The following RGP1 variants were observed in gnomAD, a reference collection of about 807,000 sequenced individuals.
RGP1 encodes the protein RGP1 partner of RAB6A GEF complex.
Under a neutral mutation model 44.5 loss-of-function variants are expected in RGP1, and 28 were observed. The ratio of observed to expected loss-of-function variants is 0.63; its 90% CI spans 0.47 to 0.86. RGP1 has a LOEUF of 0.86. Among genes scored for constraint, RGP1 ranks in the 40% least tolerant of loss-of-function variants. The pLI is 0.00. For synonymous variants in RGP1, 212 were observed against 196.7 expected, an observed-to-expected ratio of 1.08 and a Z score of -0.65; for missense variants, 417 against 490.7, an observed-to-expected ratio of 0.85 and a Z score of 1.42.
chr9:35,754,154 C>T lies in RGP1; in HGVS notation c.*1280C>T, dbSNP rs369014044. On this transcript the variant is annotated 3_prime_UTR_variant, in exon 9 of 9. Coordinates refer to ENST00000378078, the MANE Select transcript of RGP1 (RefSeq NM_001080496.3). The stretch of plus-strand genomic sequence containing the variant: ...TTGCTGCTGCACAGCCCTCTCAGAC[C>T]CTTCTTGGCCTCTGCTCAGCTACTC... 6.9e-6 allele frequency: 11 copies of T among 1,598,484 alleles called. No homozygotes were observed. The African/African-American group carries it at 1.2e-4, about 18-fold the overall frequency.
chr9:35,750,957 T>C lies in RGP1; in HGVS notation c.455T>C (p.Leu152Pro). The C allele has an allele frequency of 6.2e-7, 1 of 1,613,938 alleles. No homozygotes were observed. Among genetic ancestry groups the C allele is most frequent in the Non-Finnish European group, 8.5e-7 (1 of 1,179,882 alleles). The part of the protein sequence containing the change: ...CQRVNSPITL[L>P]RVPLRVLVLT... ...CGTGTCAACTCCCCTATCACTTTACTCAGAGTCCCTCTGAGGGTTCTTGTG... is the reference window on the plus strand; with the variant it reads ...CGTGTCAACTCCCCTATCACTTTACCCAGAGTCCCTCTGAGGGTTCTTGTG... Residue 152 changes from leucine (L) to proline (P), a missense_variant, in exon 5 of 9, where the codon CTC becomes CCC. Coordinates refer to ENST00000378078, the MANE Select transcript of RGP1 (RefSeq NM_001080496.3).
In RGP1 at chr9:35,753,858, A is replaced by T; in HGVS notation, c.*984A>T. The T allele has an allele frequency of 6.6e-7, 1 of 1,515,104 alleles. No homozygotes were observed. The highest frequency in any genetic ancestry group is 9.1e-7 in the Non-Finnish European group (1 of 1,101,880). 93.9% of individuals were successfully genotyped at this position (1,515,104 alleles called of 1,614,324 possible). A position where few individuals can be genotyped will look rare whatever the true frequency, so the allele number is the denominator to read the frequency against. On this transcript the variant is annotated 3_prime_UTR_variant, in exon 9 of 9. Transcript: ENST00000378078. This position sits in a 1 kb window ranked among gnomAD's most constrained non-coding sequence, Gnocchi z 4.2. ...TCTGGGGTGGAGACAGTAAGTACGCACTATCCCCGTATTTAGTTTGTCTTT... is the reference window on the plus strand; with the variant it reads ...TCTGGGGTGGAGACAGTAAGTACGCTCTATCCCCGTATTTAGTTTGTCTTT...
At chr9:35,781,983 G>A in the RGP1 span, among the ~76,000 whole-genome samples, 2 of 90,654 alleles carry the variant, frequency 2.2e-5, no homozygotes, top group African/African-American at 7.7e-5. Flanking sequence ...TATTTCTCTC[G>A]TTTTTTTTTT....
At position 35,752,978 on chromosome 9, in the gene RGP1, T is replaced by G. The variant is rs1200415417; in HGVS notation, c.*104T>G. The G allele has an allele frequency of 2.1e-5, 32 of 1,524,290 alleles. No individual in the cohort carries two copies. The highest frequency in any genetic ancestry group is 2.9e-5 in the Non-Finnish European group (32 of 1,117,362). 94.4% of individuals were successfully genotyped at this position (1,524,290 alleles called of 1,614,324 possible). On this transcript the variant is annotated 3_prime_UTR_variant, in exon 9 of 9. Transcript: ENST00000378078. ...ACCTGGGGTCCAATGTCGTGGACAG[T>G]GAGAGTCGGGCTTTCAGCTATAGCA...
chr9:35,749,461 G>T lies in RGP1; in HGVS notation c.-20+53G>T, dbSNP rs1043316388. On this transcript the variant is annotated intron_variant, in intron 1 of 8. Transcript: ENST00000378078. The surrounding 1 kb of genome is among the most constrained non-coding windows in gnomAD (Gnocchi z 4.4). The stretch of plus-strand genomic sequence containing the variant: ...GGACGTGGAACTTTGAGGAAAGGGG[G>T]AGCGGAGGCCAGTTTGGGAACTCCG... The T allele has an allele frequency of 6.4e-6, 4 of 623,612 alleles. No individual in the cohort carries two copies. The highest frequency in any genetic ancestry group is 2.8e-5 in the South Asian group (2 of 71,972). The allele number at this position is 623,612 out of a possible 1,614,324, so 38.6% of individuals were successfully genotyped here. A position where few individuals can be genotyped will look rare whatever the true frequency, so the allele number is the denominator to read the frequency against.
At chr9:35,766,147 T>TAA in the RGP1 span, among the ~76,000 whole-genome samples, 20 of 125,104 alleles carry the variant, frequency 1.6e-4, 1 homozygote, top group South Asian at 7.7e-4. Flanking sequence ...GTCAGTTTCT[T>TAA]AAAAAAAAAA....
At chr9:35,761,694 A>G (rs111569660), downstream of RGP1, among the ~76,000 whole-genome samples, 1,483 of 151,994 alleles carry the variant, frequency 9.8e-3, 14 homozygotes, top group African/African-American at 0.034. Context: ...ACAAACAAAC[A>G]AAAAACCCCA....
At position 35,753,298 on chromosome 9, in the gene RGP1, G is replaced by A. The variant is rs1303436219; in HGVS notation, c.*424G>A. On this transcript the variant is annotated 3_prime_UTR_variant, in exon 9 of 9. Transcript: ENST00000378078. This position sits in a 1 kb window ranked among gnomAD's most constrained non-coding sequence, Gnocchi z 4.2. ...GCTGGGACCTGGGGAACCAAGGATA[G>A]GGGAAGGAGTCAGCACAGTGAAAGG... The A allele has an allele frequency of 1.2e-6, 2 of 1,610,988 alleles. No homozygotes were observed. The highest frequency in any genetic ancestry group is 1.7e-6 in the Non-Finnish European group (2 of 1,179,454).
At chr9:35,758,640 T>C (rs554252465), downstream of RGP1, 24 of 152,360 alleles carry the variant, frequency 1.6e-4, no homozygotes, top group African/African-American at 5.8e-4. Context: ...CCGTGCTGTT[T>C]TAGCCCCAGC....
the RGP1 span, among the ~76,000 whole-genome samples, chr9:35,779,021 C>T: frequency 6.6e-6 from 1 of 152,126 alleles, no homozygotes; most frequent in African/African-American, 2.4e-5. Flanking sequence ...ATAACCTTCC[C>T]TTCATTTCAA....
chr9:35,770,897 G>T, the RGP1 span, among the ~76,000 whole-genome samples: 1 of 152,202 alleles, frequency 6.6e-6, no homozygotes, highest in Non-Finnish European at 1.5e-5. Context: ...CCAGGAAGTA[G>T]CAGGGGTTCA....
At chr9:35,781,409 G>A in the RGP1 span, among the ~76,000 whole-genome samples, 41 of 122,784 alleles carry the variant, frequency 3.3e-4, no homozygotes, top group African/African-American at 1.2e-3. Context: ...GGTGGGGGGA[G>A]GGGGTGGGGG....
At position 35,757,018 on chromosome 9, in the gene RGP1, G is replaced by A. The variant is rs1827366449; in HGVS notation, c.*4144G>A. Reference sequence around the variant, plus strand: ...AGGACCAGGCCCGCTGGGTCCTGGGGGCGCGGTGGCTGGCGCGCAGGTCCC... The same window carrying A: ...AGGACCAGGCCCGCTGGGTCCTGGGAGCGCGGTGGCTGGCGCGCAGGTCCC... On this transcript the variant is annotated 3_prime_UTR_variant, in exon 9 of 9. Transcript: ENST00000378078. The A allele has an allele frequency of 6.6e-6, 1 of 152,500 alleles. No individual in the cohort carries two copies. The highest frequency in any genetic ancestry group is 6.5e-5 in the Admixed American group (1 of 15,294). The allele number at this position is 152,500 out of a possible 1,614,324, so 9.4% of individuals were successfully genotyped here. A position where few individuals can be genotyped will look rare whatever the true frequency, so the allele number is the denominator to read the frequency against.
chr9:35,788,161 A>G, the RGP1 span, among the ~76,000 whole-genome samples: 1 of 152,234 alleles, frequency 6.6e-6, no homozygotes, highest in Non-Finnish European at 1.5e-5. Context: ...CTTTGGCCTG[A>G]GTGTAACCAG....
Position 35,756,997 on chromosome 9 carries a change from C to T in RGP1, c.*4123C>T, listed in dbSNP as rs1827366002. On this transcript the variant is annotated 3_prime_UTR_variant, in exon 9 of 9. Transcript: ENST00000378078. Reference sequence around the variant, plus strand: ...CTGGGGAGGGGGTGAGTGGTGAGGACCAGGCCCGCTGGGTCCTGGGGGCGC... The same window carrying T: ...CTGGGGAGGGGGTGAGTGGTGAGGATCAGGCCCGCTGGGTCCTGGGGGCGC... 6.6e-6 allele frequency: 1 copy of T among 152,400 alleles called. No individual in the cohort carries two copies. 9.4% of individuals were successfully genotyped at this position (152,400 alleles called of 1,614,324 possible).
At chr9:35,761,703 C>CA (rs953227927), downstream of RGP1, among the ~76,000 whole-genome samples, 1 of 151,770 alleles carries the variant, frequency 6.6e-6, no homozygotes. Flanking sequence ...CAAAAAACCC[C>CA]AAAAAAACAA....
the RGP1 span, among the ~76,000 whole-genome samples, chr9:35,784,757 C>T: frequency 2.0e-5 from 3 of 152,108 alleles, no homozygotes; most frequent in Non-Finnish European, 4.4e-5. Context: ...TGTGAGCCAC[C>T]GTGCCCTGCC....
At chr9:35,787,134 A>G in the RGP1 span, among the ~76,000 whole-genome samples, 3 of 151,756 alleles carry the variant, frequency 2.0e-5, no homozygotes, top group African/African-American at 7.2e-5. Context: ...AATAAATTAA[A>G]AAAAATAAAA....
chr9:35,778,060 G>T, the RGP1 span, among the ~76,000 whole-genome samples: 2 of 152,182 alleles, frequency 1.3e-5, no homozygotes, highest in Non-Finnish European at 2.9e-5. Context: ...AGCGCTTTGG[G>T]AAGCCGAGGT....
Sources: allele counts gnomAD v4.1 joint callset (sites outside exome capture counted in the v4.1 genomes callset), GRCh38; gene constraint gnomAD v4.1.1; non-coding constraint Gnocchi (gnomAD v3.1); transcripts MANE v1.5; gene names NCBI Gene and HGNC (gene_info 2026-07-23, HGNC 2026-07-21).